RPTOR: variants seen among roughly 807,000 people sequenced by gnomAD.
The protein encoded by RPTOR is regulatory-associated protein of mTOR.
Under a neutral mutation model 169.9 loss-of-function variants are expected in RPTOR, and 21 were observed. That is an observed-to-expected ratio of 0.12 (90% CI 0.09 to 0.18). The LOEUF is 0.18. Ranked by LOEUF, RPTOR falls within the 10% of genes least tolerant of loss-of-function variation. The probability of loss-of-function intolerance (pLI) is 1.00; values close to 1 mark genes in which losing one functional copy is unlikely to be tolerated. For missense variants in RPTOR, 1,133 were observed against 1,855.9 expected (o/e 0.61, Z 7.16); for synonymous variants, 732 against 753.2 (o/e 0.97, Z 0.46).
chr17:80,574,144 TTTTTTTC>T (rs1268833684), intron 1 of RPTOR, among the ~76,000 whole-genome samples: 2 of 149,058 alleles, frequency 1.3e-5, no homozygotes, highest in Admixed American at 6.6e-5. Flanking sequence ...AAGATGGTTT[TTTTTTTC>T]TTTTTTCTTT....
At chr17:80,679,306 T>C (rs546090114) in intron 3 of RPTOR, among the ~76,000 whole-genome samples, 1 of 152,308 alleles carries the variant, frequency 6.6e-6, no homozygotes, top group East Asian at 1.9e-4. Context: ...GGCAGGTCTT[T>C]TGTGAATTGA....
intron 7 of RPTOR, among the ~76,000 whole-genome samples, chr17:80,818,830 A>G (rs1025475853): frequency 6.6e-6 from 1 of 152,162 alleles, no homozygotes; most frequent in Non-Finnish European, 1.5e-5. Flanking sequence ...TAAAAACACA[A>G]CTAAGTACAC....
chr17:80,634,087 T>TGTGC (rs2065462558), intron 2 of RPTOR, among the ~76,000 whole-genome samples: 1 of 151,154 alleles, frequency 6.6e-6, no homozygotes, highest in African/African-American at 2.5e-5. Context: ...GTGCATACTG[T>TGTGC]GTGTGTGCAT....
intron 9 of RPTOR, among the ~76,000 whole-genome samples, chr17:80,834,442 T>C (rs2067541259): frequency 6.6e-6 from 1 of 152,152 alleles, no homozygotes; most frequent in African/African-American, 2.4e-5. Context: ...CCCTTCCTCC[T>C]GGGCTTTGTG....
chr17:80,798,174 C>G (rs2067119640), intron 7 of RPTOR, among the ~76,000 whole-genome samples: 1 of 152,218 alleles, frequency 6.6e-6, no homozygotes, highest in African/African-American at 2.4e-5. Context: ...GGAGTCACCT[C>G]TCTGACATGG....
chr17:80,850,781 G>A (rs2143728207), intron 11 of RPTOR, among the ~76,000 whole-genome samples: 1 of 152,308 alleles, frequency 6.6e-6, no homozygotes, highest in South Asian at 2.1e-4. Flanking sequence ...GTACATCGGG[G>A]ACTCCAAAAC....
intron 1 of RPTOR, among the ~76,000 whole-genome samples, chr17:80,608,719 C>G (rs953854691): frequency 5.9e-5 from 9 of 152,304 alleles, no homozygotes; most frequent in African/African-American, 2.2e-4. Context: ...ACTTTCCCCC[C>G]TTCTTGGTGA....
chr17:80,590,575 A>G (rs1228584954), intron 1 of RPTOR, among the ~76,000 whole-genome samples: 2 of 147,088 alleles, frequency 1.4e-5, no homozygotes, highest in Non-Finnish European at 3.0e-5. Context: ...GCGTGCACAC[A>G]GTGTCTTTAA....
At chr17:80,586,108 G>A (rs7215020) in intron 1 of RPTOR, among the ~76,000 whole-genome samples, 21,907 of 152,132 alleles carry the variant, frequency 0.14, 1,788 homozygotes, top group Non-Finnish European at 0.19. Context: ...AGGATGTTGC[G>A]AGTCTGTGAG....
intron 2 of RPTOR, among the ~76,000 whole-genome samples, chr17:80,637,825 C>T (rs1330090850): frequency 2.6e-5 from 4 of 152,216 alleles, no homozygotes; most frequent in Non-Finnish European, 4.4e-5. Context: ...AATGCAAACA[C>T]GTGAGCATTA....
intron 1 of RPTOR, among the ~76,000 whole-genome samples, chr17:80,599,834 C>A (rs1599590124): frequency 6.6e-6 from 1 of 152,190 alleles, no homozygotes; most frequent in African/African-American, 2.4e-5. Flanking sequence ...GTCATTGTTG[C>A]TGTGGGAAAG....
At chr17:80,952,296 A>G (rs908115632) in intron 28 of RPTOR, among the ~76,000 whole-genome samples, 1 of 152,220 alleles carries the variant, frequency 6.6e-6, no homozygotes, top group African/African-American at 2.4e-5. Context: ...ATGAACGGCC[A>G]AGGGCTGAAG....
chr17:80,700,833 T>TGGTGGTGATGATGGTGAC (rs2066094588), intron 3 of RPTOR, among the ~76,000 whole-genome samples: 1 of 151,298 alleles, frequency 6.6e-6, no homozygotes, highest in Non-Finnish European at 1.5e-5. Flanking sequence ...GTGGTGGTGG[T>TGGTGGTGATGATGGTGAC]GGTGATGGTA....
chr17:80,815,754 G>A (rs1238769834), intron 7 of RPTOR, among the ~76,000 whole-genome samples: 1 of 152,258 alleles, frequency 6.6e-6, no homozygotes, highest in East Asian at 1.9e-4. Flanking sequence ...AAGAAATTTA[G>A]AGGAAGATCT....
At chr17:80,961,576 G>A in intron 31 of RPTOR, 96 bp downstream of exon 31, 1 of 1,345,256 alleles carries the variant, frequency 7.4e-7, no homozygotes, top group Non-Finnish European at 1.0e-6. Flanking sequence ...AGCTGGAAGG[G>A]GATGGCATTT....
chr17:80,904,086 G>T (rs149573480), intron 20 of RPTOR, among the ~76,000 whole-genome samples: 2 of 152,376 alleles, frequency 1.3e-5, no homozygotes, highest in East Asian at 3.9e-4. Context: ...CCCGGCCCGG[G>T]AGGTGCTGCG....
chr17:80,800,304 G>C (rs186106949), intron 7 of RPTOR, among the ~76,000 whole-genome samples: 1 of 152,162 alleles, frequency 6.6e-6, no homozygotes, highest in Non-Finnish European at 1.5e-5. Flanking sequence ...ACTGCTGCAC[G>C]ATATGTCTTC....
chr17:80,800,797 G>T (rs1303317270), intron 7 of RPTOR, among the ~76,000 whole-genome samples: 2 of 152,236 alleles, frequency 1.3e-5, no homozygotes, highest in Non-Finnish European at 2.9e-5. Flanking sequence ...TGAGAGATGT[G>T]AACCTGTTCC....
At chr17:80,834,919 C>G (rs141041035) in intron 9 of RPTOR, among the ~76,000 whole-genome samples, 1 of 152,352 alleles carries the variant, frequency 6.6e-6, no homozygotes, top group Non-Finnish European at 1.5e-5. Context: ...TCTTCTAACT[C>G]CTGAAGCAGA....
Sources: gnomAD v4.1 joint callset for allele counts (sites outside exome capture counted in the v4.1 genomes callset) on GRCh38, gnomAD v4.1.1 for gene constraint, MANE v1.5 for transcripts, NCBI Gene and HGNC (gene_info 2026-07-23, HGNC 2026-07-21) for gene names.